Variants in WDR43 observed in about 807,000 individuals in gnomAD.
WDR43 encodes the protein WD repeat domain 43, also known as WD repeat-containing protein 43.
In WDR43, 13 loss-of-function variants were observed where a neutral mutation model predicts 91.4. The ratio of observed to expected loss-of-function variants is 0.14; its 90% CI spans 0.09 to 0.23. The LOEUF is 0.23. Ranked by LOEUF, WDR43 falls within the 10% of genes least tolerant of loss-of-function variation. The pLI is 1.00. For synonymous variants in WDR43, 331 were observed against 287.9 expected (o/e 1.15, Z -1.51); for missense variants, 780 against 809.4 (o/e 0.96, Z 0.44).
intron 5 of WDR43, among the ~76,000 whole-genome samples, chr2:28,917,388 T>C (rs767223268): frequency 4.6e-5 from 7 of 152,208 alleles, no homozygotes; most frequent in South Asian, 2.1e-4. Flanking sequence ...AATACCGTTA[T>C]AATGTTAATT....
intron 3 of WDR43, among the ~76,000 whole-genome samples, chr2:28,910,909 G>T (rs1298952107): frequency 1.3e-5 from 2 of 151,854 alleles, no homozygotes; most frequent in Non-Finnish European, 2.9e-5. Context: ...TGTTGTTCAG[G>T]CTGGTCTTGA....
In WDR43 at chr2:28,911,379, C is replaced by T. The variant is rs990876615; in HGVS notation, c.486-1211C>T. On this transcript the variant is annotated intron_variant, in intron 3 of 17. Coordinates refer to ENST00000407426, the MANE Select transcript of WDR43 (RefSeq NM_015131.3). ...TGCAATCTCAGCTCACTGCAAGCTC[C>T]GCCTCCCAGGTTCACGCCATTCTCC... Among the ~76,000 whole-genome samples the T allele has an allele frequency of 6.6e-5, 10 of 151,248 alleles. No individual in the cohort carries two copies. The South Asian group carries it at 1.0e-3, about 16-fold the overall frequency.
chr2:28,924,262 G>A (rs141257165), intron 7 of WDR43, among the ~76,000 whole-genome samples: 26 of 152,298 alleles, frequency 1.7e-4, no homozygotes, highest in African/African-American at 5.3e-4. Context: ...TTAGAGTAAT[G>A]TTAGAAGTAA....
chr2:28,940,782 GT>G (rs1671420625), intron 14 of WDR43, among the ~76,000 whole-genome samples: 1 of 152,192 alleles, frequency 6.6e-6, no homozygotes, highest in Non-Finnish European at 1.5e-5. Flanking sequence ...AATTACCATT[GT>G]TTTATTCCTC....
chr2:28,921,708 A>G (rs1017593182), intron 6 of WDR43, among the ~76,000 whole-genome samples: 5 of 151,714 alleles, frequency 3.3e-5, no homozygotes, highest in Non-Finnish European at 5.9e-5. Flanking sequence ...CTCTTCCCCT[A>G]AACTTTTTCT....
chr2:28,914,765 C>G (rs1459574426), intron 5 of WDR43, among the ~76,000 whole-genome samples: 1 of 152,090 alleles, frequency 6.6e-6, no homozygotes, highest in Admixed American at 6.5e-5. Context: ...CCTGTCTCTA[C>G]TAAAAATACA....
rs144154803 is a variant in WDR43 at position 28,905,652 on chromosome 2, T to C, written c.364-808T>C. Among the ~76,000 whole-genome samples the C allele has an allele frequency of 1.6e-4, 24 of 150,050 alleles. 1 individual carries two copies. The East Asian group carries it at 5.0e-3, about 31-fold the overall frequency. On this transcript the variant is annotated intron_variant, in intron 2 of 17. Coordinates refer to ENST00000407426, the MANE Select transcript of WDR43 (RefSeq NM_015131.3). ...CATTTTGAAATTCTAGCTGTTTATCTCTCTCTTCTTCTCTTTTTTTTTTTT... is the reference window on the plus strand; with the variant it reads ...CATTTTGAAATTCTAGCTGTTTATCCCTCTCTTCTTCTCTTTTTTTTTTTT...
intron 11 of WDR43, among the ~76,000 whole-genome samples, chr2:28,933,493 A>G (rs1189623279): frequency 6.6e-6 from 1 of 152,210 alleles, no homozygotes; most frequent in East Asian, 1.9e-4. Flanking sequence ...TAGATATAGC[A>G]TACAATGCAT....
At chr2:28,903,816 T>G (rs1670623431) in intron 2 of WDR43, among the ~76,000 whole-genome samples, 1 of 152,136 alleles carries the variant, frequency 6.6e-6, no homozygotes, top group Non-Finnish European at 1.5e-5. Flanking sequence ...AGACTTATTT[T>G]TTTTTAAAGA....
At chr2:28,907,373 A>G (rs1323591203) in intron 3 of WDR43, among the ~76,000 whole-genome samples, 1 of 150,954 alleles carries the variant, frequency 6.6e-6, no homozygotes, top group African/African-American at 2.4e-5. Flanking sequence ...CTGTAATCCC[A>G]GCACTTTGGG....
rs375342806 is a variant in WDR43 at position 28,925,013 on chromosome 2, A to G, written c.946A>G (p.Thr316Ala). The change falls in exon 8 of 18, where the codon ACA becomes GCA. Residue 316 changes from threonine to alanine, a missense_variant. Transcript: ENST00000407426. ...CAAAAAGCCTTTGACTTCAAACTGC[A>G]CAATTCAGATAGCAACACCTGGGAA... ...YCKKPLTSNC[T>A]IQIATPGKGK... 2.5e-6 allele frequency: 4 copies of G among 1,613,556 alleles called. No homozygotes were observed. The highest frequency in any genetic ancestry group is 3.4e-6 in the Non-Finnish European group (4 of 1,179,768).
At chr2:28,912,906 C>T (rs1035322305) in intron 4 of WDR43, among the ~76,000 whole-genome samples, 196 bp downstream of exon 4, 11 of 150,022 alleles carry the variant, frequency 7.3e-5, no homozygotes, top group African/African-American at 2.2e-4. Context: ...CTACTTCAAA[C>T]GTATTGGAAA....
At chr2:28,946,574 G>A (rs1671545861) in intron 17 of WDR43, 26 bp from the exon 18 acceptor site, 8 of 1,572,178 alleles carry the variant, frequency 5.1e-6, no homozygotes, top group Non-Finnish European at 6.9e-6. Flanking sequence ...CTTCATGAAT[G>A]CTTTCCTTGT....
chr2:28,941,341 A>C, intron 14 of WDR43, 120 bp from the exon 15 acceptor site: 1 of 641,534 alleles, frequency 1.6e-6, no homozygotes, highest in South Asian at 2.2e-5. Context: ...TGCCACTGGG[A>C]GTACTTGTAA....
chr2:28,918,669 T>G (rs1242463916), intron 6 of WDR43, among the ~76,000 whole-genome samples: 5 of 152,054 alleles, frequency 3.3e-5, no homozygotes, highest in Admixed American at 2.6e-4. Flanking sequence ...ATGCCCAGCC[T>G]ATATATGTAT....
rs552000431 is a variant in WDR43, at chr2:28,904,688, C to G, written c.364-1772C>G. 6.6e-4 allele frequency among the ~76,000 whole-genome samples: 100 copies of G among 152,332 alleles called. No individual in the cohort carries two copies. In the South Asian group the frequency reaches 0.013, roughly 20 times the overall value. ...TGTATCTGTTCATATCCTTTAGTTACTTGCGTGTATATAAGACTTAGTTCT... is the reference window on the plus strand; with the variant it reads ...TGTATCTGTTCATATCCTTTAGTTAGTTGCGTGTATATAAGACTTAGTTCT... On this transcript the variant is annotated intron_variant, in intron 2 of 17. Coordinates refer to ENST00000407426, the MANE Select transcript of WDR43 (RefSeq NM_015131.3).
At chr2:28,907,880 GGCGACAGAGC>G (rs1436992891) in intron 3 of WDR43, among the ~76,000 whole-genome samples, 3 of 143,088 alleles carry the variant, frequency 2.1e-5, no homozygotes, top group Non-Finnish European at 4.6e-5. Flanking sequence ...CTCCAGCCTG[GGCGACAGAGC>G]GAGACTCCGT....
chr2:28,941,655 G>GAGCAAGACCCT, intron 15 of WDR43, 81 bp downstream of exon 15: 1 of 1,113,950 alleles, frequency 9.0e-7, no homozygotes, highest in Non-Finnish European at 1.3e-6. Flanking sequence ...TTTTGAGACA[G>GAGCAAGACCCT]GGTCTTGCTC....
At chr2:28,945,758 A>T (rs922691995) in intron 16 of WDR43, among the ~76,000 whole-genome samples, 1 of 152,134 alleles carries the variant, frequency 6.6e-6, no homozygotes, top group African/African-American at 2.4e-5. Context: ...AGCTGTGTTA[A>T]TTTTTGTTTT....
Sources: allele counts gnomAD v4.1 joint callset (sites outside exome capture counted in the v4.1 genomes callset), GRCh38; gene constraint gnomAD v4.1.1; transcripts MANE v1.5; gene names NCBI Gene and HGNC (gene_info 2026-07-23, HGNC 2026-07-21).